Variants in SLC30A8 observed in about 807,000 individuals in gnomAD.
SLC30A8 encodes solute carrier family 30 member 8.
SLC30A8 carries 27 observed loss-of-function variants against 36.9 expected under a neutral mutation model. The observed-to-expected ratio is 0.73, with a 90% CI of 0.54 to 1.01. SLC30A8 has a LOEUF of 1.01. SLC30A8 is among the 50% of genes least tolerant of loss of function. SLC30A8 has a pLI of 0.00. For synonymous variants in SLC30A8, 164 were observed against 172.4 expected (o/e 0.95, Z 0.38); for missense variants, 439 against 452.0 (o/e 0.97, Z 0.26).
chr8:116,965,808 C>T (rs544088367), intron 1 of SLC30A8, among the ~76,000 whole-genome samples: 1 of 152,156 alleles, frequency 6.6e-6, no homozygotes, highest in East Asian at 1.9e-4. Flanking sequence ...TAATTCTTGA[C>T]ATTAACCTGT....
intron 1 of SLC30A8, among the ~76,000 whole-genome samples, chr8:116,993,385 A>T (rs528104816): frequency 2.0e-5 from 3 of 152,100 alleles, no homozygotes; most frequent in Non-Finnish European, 4.4e-5. Flanking sequence ...CAGAATCAAG[A>T]TGATTTGTTT....
intron 7 of SLC30A8, among the ~76,000 whole-genome samples, 170 bp downstream of exon 7, chr8:117,171,338 C>T (rs1009445965): frequency 6.6e-6 from 1 of 151,964 alleles, no homozygotes; most frequent in Non-Finnish European, 1.5e-5. Flanking sequence ...TTGATGTTGT[C>T]ATAGCAACAA....
chr8:117,010,394 C>T (rs527820145), intron 1 of SLC30A8, among the ~76,000 whole-genome samples: 1 of 152,286 alleles, frequency 6.6e-6, no homozygotes, highest in Admixed American at 6.5e-5. Flanking sequence ...CTGGCAGCTC[C>T]ACGGCCTAGT....
chr8:117,091,938 C>T (rs1415301220), intron 2 of SLC30A8, among the ~76,000 whole-genome samples: 2 of 152,032 alleles, frequency 1.3e-5, no homozygotes, highest in Non-Finnish European at 2.9e-5. Flanking sequence ...TAGGGACAGG[C>T]AATGGTGTTC....
intron 1 of SLC30A8, among the ~76,000 whole-genome samples, chr8:116,976,774 G>A (rs1742366644): frequency 6.8e-6 from 1 of 147,854 alleles, no homozygotes; most frequent in South Asian, 2.1e-4. Context: ...TGTGGACCAG[G>A]GGATGCTGAG....
intron 2 of SLC30A8, among the ~76,000 whole-genome samples, chr8:117,092,170 T>A (rs1053996204): frequency 3.9e-5 from 6 of 152,208 alleles, no homozygotes; most frequent in African/African-American, 1.4e-4. Context: ...GTGCAGCATT[T>A]CAACTGTTCT....
intron 2 of SLC30A8, among the ~76,000 whole-genome samples, chr8:117,076,550 A>G (rs1188885063): frequency 6.6e-6 from 1 of 152,180 alleles, no homozygotes; most frequent in East Asian, 1.9e-4. Context: ...AGGGAGAAAA[A>G]AAAAGTGGAG....
chr8:117,010,933 A>AG (rs1351500609), intron 1 of SLC30A8, among the ~76,000 whole-genome samples: 1 of 152,190 alleles, frequency 6.6e-6, no homozygotes, highest in East Asian at 1.9e-4. Flanking sequence ...TGCCCCCGTG[A>AG]TCCAATCACC....
intron 1 of SLC30A8, among the ~76,000 whole-genome samples, chr8:117,016,775 G>T (rs374416740): frequency 8.7e-4 from 133 of 152,256 alleles, no homozygotes; most frequent in African/African-American, 3.0e-3. Flanking sequence ...TGTCATGAGG[G>T]TAGACGCTTA....
At chr8:116,969,632 C>T (rs1023917436) in intron 1 of SLC30A8, among the ~76,000 whole-genome samples, 1 of 152,136 alleles carries the variant, frequency 6.6e-6, no homozygotes, top group South Asian at 2.1e-4. Context: ...CTACCACACA[C>T]CTAGGTTGTA....
At chr8:116,960,321 T>G (rs1396894063) in intron 1 of SLC30A8, among the ~76,000 whole-genome samples, 1 of 152,194 alleles carries the variant, frequency 6.6e-6, no homozygotes, top group African/African-American at 2.4e-5. Flanking sequence ...TTCACTTTTT[T>G]TGAAAGGATG....
At chr8:117,091,522 G>A (rs73315672) in intron 2 of SLC30A8, among the ~76,000 whole-genome samples, 15,413 of 152,052 alleles carry the variant, frequency 0.1, 1,286 homozygotes, top group African/African-American at 0.23. Context: ...CATGGCAAGC[G>A]TATGGTAAAA....
intron 1 of SLC30A8, among the ~76,000 whole-genome samples, chr8:116,985,414 A>AT (rs1815411455): frequency 1.3e-5 from 2 of 151,830 alleles, no homozygotes; most frequent in South Asian, 4.2e-4. Flanking sequence ...CATTTTCATT[A>AT]TTTTTTTAAC....
At chr8:116,985,284 T>TCA (rs1248530764) in intron 1 of SLC30A8, among the ~76,000 whole-genome samples, 18 of 121,352 alleles carry the variant, frequency 1.5e-4, no homozygotes, top group East Asian at 7.2e-4. Context: ...ATGTGCATGC[T>TCA]CACACACATA....
At chr8:117,137,207 CACTT>C (rs144212511) in intron 1 of SLC30A8, among the ~76,000 whole-genome samples, 1,981 of 152,026 alleles carry the variant, frequency 0.013, 41 homozygotes, top group African/African-American at 0.045. Context: ...TGAATTCCCT[CACTT>C]ACTCACTTCT....
chr8:117,056,892 A>T (rs899587094), intron 2 of SLC30A8, among the ~76,000 whole-genome samples: 3 of 152,198 alleles, frequency 2.0e-5, no homozygotes, highest in African/African-American at 7.2e-5. Flanking sequence ...AATTCTAGTC[A>T]CAGGAAGTGG....
intron 1 of SLC30A8, among the ~76,000 whole-genome samples, chr8:116,961,603 C>T (rs889211287): frequency 2.0e-5 from 3 of 151,864 alleles, no homozygotes; most frequent in Non-Finnish European, 4.4e-5. Flanking sequence ...TAACAGAATA[C>T]CACAGAATGG....
rs187995255 is a variant in SLC30A8 at position 116,985,484 on chromosome 8, G to A, written c.-266+34365G>A. Among the ~76,000 whole-genome samples the A allele has an allele frequency of 1.7e-3, 253 of 152,050 alleles. 1 individual carries two copies. The highest frequency in any genetic ancestry group is 2.8e-3 in the Non-Finnish European group (190 of 67,952). Reference sequence around the variant, plus strand: ...ATAATAGAAAATTAGGTTTTTATAGGAATTTTCTTTGCTATGATGAGTAAT... The same window carrying A: ...ATAATAGAAAATTAGGTTTTTATAGAAATTTTCTTTGCTATGATGAGTAAT... On this transcript the variant is annotated intron_variant, in intron 1 of 10. Transcript: ENST00000427715.
intron 1 of SLC30A8, among the ~76,000 whole-genome samples, chr8:117,005,028 T>C (rs1227330920): frequency 3.9e-5 from 6 of 152,156 alleles, no homozygotes; most frequent in African/African-American, 1.4e-4. Context: ...CCAATTGACT[T>C]ATTTAAAATG....
Sources: allele counts gnomAD v4.1 joint callset (sites outside exome capture counted in the v4.1 genomes callset), GRCh38; gene constraint gnomAD v4.1.1; transcripts MANE v1.5; gene names NCBI Gene and HGNC (gene_info 2026-07-23, HGNC 2026-07-21).